The following SYK variants were observed in gnomAD, a reference collection of about 807,000 sequenced individuals.
The protein encoded by SYK is tyrosine-protein kinase SYK.
In SYK, 16 loss-of-function variants were observed where a neutral mutation model predicts 77.8. The ratio of observed to expected loss-of-function variants is 0.21; its 90% CI spans 0.14 to 0.31. SYK has a LOEUF of 0.31. Among genes scored for constraint, SYK ranks in the 10% least tolerant of loss-of-function variants. The pLI, the probability that SYK is intolerant of heterozygous loss-of-function variation, is 1.00. For synonymous variants in SYK, 312 were observed against 308.7 expected, an observed-to-expected ratio of 1.01 and a Z score of -0.11; for missense variants, 529 against 814.4, an observed-to-expected ratio of 0.65 and a Z score of 4.26.
chr9:90,806,383 G>C (rs944889804), intron 1 of SYK, among the ~76,000 whole-genome samples: 1 of 151,138 alleles, frequency 6.6e-6, no homozygotes, highest in South Asian at 2.1e-4. Flanking sequence ...TTTGGTGTGG[G>C]ACTTTTCTTT....
chr9:90,846,385 C>A (rs1382977615), intron 3 of SYK, among the ~76,000 whole-genome samples: 4 of 152,328 alleles, frequency 2.6e-5, no homozygotes, highest in Admixed American at 2.0e-4. Flanking sequence ...GATGCAGCCT[C>A]ATGGTTTGGC....
intron 11 of SYK, among the ~76,000 whole-genome samples, chr9:90,882,973 T>C (rs559743514): frequency 3.3e-5 from 5 of 152,110 alleles, no homozygotes; most frequent in African/African-American, 1.2e-4. Flanking sequence ...AAGACTAACA[T>C]AGGGAGCTGC....
intron 13 of SYK, 124 bp downstream of exon 13, chr9:90,888,751 C>T (rs905100051): frequency 1.4e-6 from 1 of 723,658 alleles, no homozygotes; most frequent in Non-Finnish European, 2.1e-6. Context: ...GCTTTCTAAA[C>T]AAACAACGGT....
intron 9 of SYK, among the ~76,000 whole-genome samples, chr9:90,876,058 G>GTTTATTTACAA (rs1827914232): frequency 6.6e-6 from 1 of 152,138 alleles, no homozygotes; most frequent in African/African-American, 2.4e-5. Context: ...GGCCAAGGTA[G>GTTTATTTACAA]GTGGATCACC....
chr9:90,838,134 C>T (rs1457424151), intron 1 of SYK, among the ~76,000 whole-genome samples: 1 of 152,168 alleles, frequency 6.6e-6, no homozygotes, highest in Non-Finnish European at 1.5e-5. Context: ...TGTTACACAT[C>T]CAAGGGGGGA....
chr9:90,892,817 G>A (rs555537567), intron 13 of SYK, among the ~76,000 whole-genome samples: 2 of 152,374 alleles, frequency 1.3e-5, no homozygotes, highest in East Asian at 3.9e-4. Context: ...GCCGAATGGA[G>A]AAATTTCCTG....
At chr9:90,810,412 G>A (rs1423866559) in intron 1 of SYK, among the ~76,000 whole-genome samples, 1 of 152,172 alleles carries the variant, frequency 6.6e-6, no homozygotes, top group Non-Finnish European at 1.5e-5. Context: ...CTTCAATGGG[G>A]CGTAATCACT....
chr9:90,849,122 G>C (rs1240973041), intron 3 of SYK, among the ~76,000 whole-genome samples: 2 of 152,244 alleles, frequency 1.3e-5, no homozygotes, highest in East Asian at 1.9e-4. Context: ...GGCAAGTTGG[G>C]GGGGCTGTCT....
At chr9:90,882,982 G>A (rs1828214960) in intron 11 of SYK, among the ~76,000 whole-genome samples, 1 of 152,120 alleles carries the variant, frequency 6.6e-6, no homozygotes. Context: ...ATAGGGAGCT[G>A]CCTAGGGATC....
chr9:90,841,826 A>G (rs1245342731), intron 1 of SYK, among the ~76,000 whole-genome samples: 6 of 135,094 alleles, frequency 4.4e-5, no homozygotes, highest in Non-Finnish European at 4.8e-5. Flanking sequence ...TGTGGTGTGT[A>G]TGTAGTTTGT....
intron 11 of SYK, among the ~76,000 whole-genome samples, chr9:90,880,431 G>A (rs1247399329): frequency 6.6e-6 from 1 of 152,188 alleles, no homozygotes; most frequent in Non-Finnish European, 1.5e-5. Flanking sequence ...GTGAACCACT[G>A]TGAGAAAGGC....
In SYK at chr9:90,874,165, G is replaced by A. The variant is rs753075887; in HGVS notation, c.916-39G>A. ...TGCAGATCAACTTAACAGTTTTGTG[G>A]ATGAAGAAAAACAACCTGTTGTCCT... On this transcript the variant is annotated intron_variant, in intron 7 of 13. Transcript: ENST00000375754. The A allele has an allele frequency of 4.0e-6, 6 of 1,508,754 alleles. No individual in the cohort carries two copies. The African/African-American group carries it at 6.9e-5, about 17-fold the overall frequency. 93.5% of individuals were successfully genotyped at this position (1,508,754 alleles called of 1,614,324 possible). A position where few individuals can be genotyped will look rare whatever the true frequency, so the allele number is the denominator to read the frequency against.
At chr9:90,844,410 T>A in intron 2 of SYK, 95 bp downstream of exon 2, 2 of 1,339,842 alleles carry the variant, frequency 1.5e-6, no homozygotes, top group Non-Finnish European at 2.0e-6. Context: ...CTATGTGCCC[T>A]GTGTGCCCAA....
In SYK at chr9:90,895,118, A is replaced by G. The variant is rs567636994; in HGVS notation, c.1836-410A>G. Among the ~76,000 whole-genome samples the G allele has an allele frequency of 6.6e-6, 1 of 152,338 alleles. No homozygotes were observed. ...CAGATGTTGACTATATCTGCAGAAC[A>G]TTTGCCAAGTATTTTCAGACACCTG... On this transcript the variant is annotated intron_variant, in intron 13 of 13. Coordinates refer to ENST00000375754, the MANE Select transcript of SYK (RefSeq NM_003177.7). This position sits in a 1 kb window ranked among gnomAD's most constrained non-coding sequence, Gnocchi z 4.4.
intron 13 of SYK, among the ~76,000 whole-genome samples, chr9:90,893,269 C>A (rs1828865899): frequency 6.6e-6 from 1 of 152,230 alleles, no homozygotes; most frequent in South Asian, 2.1e-4. Flanking sequence ...GTTTTTTAAG[C>A]CCTCTCGTGT....
At chr9:90,824,279 G>A (rs1216575101) in intron 1 of SYK, among the ~76,000 whole-genome samples, 1 of 152,032 alleles carries the variant, frequency 6.6e-6, no homozygotes, top group Non-Finnish European at 1.5e-5. Flanking sequence ...GGCCCAGATG[G>A]GTCCACTAGT....
intron 13 of SYK, among the ~76,000 whole-genome samples, chr9:90,889,036 C>G (rs560642673): frequency 2.6e-5 from 4 of 152,256 alleles, no homozygotes; most frequent in African/African-American, 9.6e-5. Flanking sequence ...TGAGGGGTGA[C>G]CTCGGACTCT....
chr9:90,802,231 C>A (rs965376606), intron 1 of SYK, among the ~76,000 whole-genome samples: 1 of 152,130 alleles, frequency 6.6e-6, no homozygotes, highest in African/African-American at 2.4e-5. Context: ...TCGGGAGACG[C>A]GGGATTGGGA....
chr9:90,864,386 G>A (rs774456513), intron 4 of SYK, among the ~76,000 whole-genome samples: 1 of 152,190 alleles, frequency 6.6e-6, no homozygotes, highest in Non-Finnish European at 1.5e-5. Context: ...GAAAAAATTT[G>A]CTGCCCCTAG....
Sources: gnomAD v4.1 joint callset for allele counts (sites outside exome capture counted in the v4.1 genomes callset) on GRCh38, gnomAD v4.1.1 for gene constraint, Gnocchi (gnomAD v3.1) non-coding constraint, MANE v1.5 for transcripts, NCBI Gene and HGNC (gene_info 2026-07-23, HGNC 2026-07-21) for gene names.